The following GNA12 variants were observed in gnomAD, a reference collection of about 807,000 sequenced individuals.
GNA12 encodes guanine nucleotide-binding protein subunit alpha-12.
GNA12 carries 9 observed loss-of-function variants against 26.0 expected under a neutral mutation model. That is an observed-to-expected ratio of 0.35 (90% CI 0.21 to 0.60). The LOEUF (loss-of-function observed/expected upper bound fraction) is 0.60, where lower values mean the gene tolerates loss of function less well. Among genes scored for constraint, GNA12 ranks in the 20% least tolerant of loss-of-function variants. GNA12 has a pLI of 0.78. For missense variants in GNA12, 405 were observed against 525.8 expected (o/e 0.77, Z 2.25); for synonymous variants, 264 against 219.6 (o/e 1.20, Z -1.79).
intron 2 of GNA12, among the ~76,000 whole-genome samples, chr7:2,787,016 C>T (rs761431706): frequency 8.5e-5 from 13 of 152,158 alleles, no homozygotes; most frequent in Admixed American, 1.3e-4. Flanking sequence ...CCTCCAGGGG[C>T]AGGGTCCAAA....
intron 2 of GNA12, among the ~76,000 whole-genome samples, chr7:2,793,302 C>T (rs1327965616): frequency 1.4e-5 from 2 of 144,582 alleles, no homozygotes; most frequent in African/African-American, 2.7e-5. Context: ...AAGCAGCGGA[C>T]AGGACGCGAG....
chr7:2,774,238 C>A (rs1288302019), intron 2 of GNA12, among the ~76,000 whole-genome samples: 8 of 152,022 alleles, frequency 5.3e-5, no homozygotes, highest in Non-Finnish European at 1.2e-4. Flanking sequence ...TATTTCTATA[C>A]ATGTATATGC....
In GNA12 at chr7:2,828,101, G is replaced by A. The variant is rs566361597; in HGVS notation, c.309+15752C>T. ...AAAAAGAAAATGCCGAAGATGTTGT[G>A]GTCTCCTTGGCAGATATTTACACAT... On this transcript the variant is annotated intron_variant, in intron 1 of 3. Transcript: ENST00000275364. 9.2e-5 allele frequency among the ~76,000 whole-genome samples: 14 copies of A among 152,212 alleles called. No homozygotes were observed. In the South Asian group the frequency reaches 2.3e-3, roughly 25 times the overall value.
intron 2 of GNA12, among the ~76,000 whole-genome samples, chr7:2,770,275 G>GCAAAA (rs1373017956): frequency 6.6e-6 from 1 of 152,112 alleles, no homozygotes. Context: ...GTTTAATAGG[G>GCAAAA]TCTTGTTTTA....
intron 2 of GNA12, among the ~76,000 whole-genome samples, chr7:2,749,608 A>G (rs936513952): frequency 1.3e-5 from 2 of 152,148 alleles, no homozygotes; most frequent in Admixed American, 6.5e-5. Flanking sequence ...ACATGTATAC[A>G]TATGTAACAA....
chr7:2,780,051 C>CATACATATATATATAT (rs1554259630), intron 2 of GNA12, among the ~76,000 whole-genome samples: 1 of 62,204 alleles, frequency 1.6e-5, no homozygotes, highest in African/African-American at 5.7e-5. Flanking sequence ...TTTCTGTGTA[C>CATACATATATATATAT]ATATATATAT....
At chr7:2,758,536 T>C (rs1791408043) in intron 2 of GNA12, among the ~76,000 whole-genome samples, 1 of 152,114 alleles carries the variant, frequency 6.6e-6, no homozygotes, top group Non-Finnish European at 1.5e-5. Context: ...ACGTATCTCC[T>C]GTGATTGGGC....
Position 2,756,474 on chromosome 7 carries a change from G to T in GNA12, c.526-22973C>A, listed in dbSNP as rs61270940. 4.0e-3 allele frequency among the ~76,000 whole-genome samples: 613 copies of T among 152,230 alleles called. 26 individuals carry two copies. In the East Asian group the frequency reaches 0.1, roughly 26 times the overall value. ...CAAAAAATTTTTAAAAATTAGTCAG[G>T]TGTGGTGGCACACGCCTATAGTCCC... On this transcript the variant is annotated intron_variant, in intron 2 of 3. Transcript: ENST00000275364.
rs541957872 is a variant in GNA12, at chr7:2,745,797, T to C, written c.526-12296A>G. Among the ~76,000 whole-genome samples, 28 of 152,204 alleles carry C rather than the reference T, an allele frequency of 1.8e-4. 1 individual carries two copies. Among genetic ancestry groups the C allele is most frequent in the South Asian group, 4.1e-4 (2 of 4,822 alleles). On this transcript the variant is annotated intron_variant, in intron 2 of 3. Transcript: ENST00000275364. ...CCCATCTCACGTGCAGAGACACACA[T>C]AGGCTCAAAATAAAGGGATGCAGGA... is the stretch of plus-strand genomic sequence containing the variant.
chr7:2,738,448 C>G (rs1413047907), intron 2 of GNA12, among the ~76,000 whole-genome samples: 1 of 152,176 alleles, frequency 6.6e-6, no homozygotes, highest in Non-Finnish European at 1.5e-5. Context: ...AGCTCCGTGG[C>G]TGGAAGGAGG....
chr7:2,793,442 T>C (rs1583286965), intron 2 of GNA12, among the ~76,000 whole-genome samples: 1 of 152,160 alleles, frequency 6.6e-6, no homozygotes, highest in Non-Finnish European at 1.5e-5. Context: ...GTTTTAATAG[T>C]TGTATAGTGG....
chr7:2,781,568 G>A (rs1372822664), intron 2 of GNA12, among the ~76,000 whole-genome samples: 1 of 152,126 alleles, frequency 6.6e-6, no homozygotes, highest in East Asian at 1.9e-4. Context: ...GATAATTAGA[G>A]AAAGGGCTAG....
intron 2 of GNA12, among the ~76,000 whole-genome samples, chr7:2,761,724 A>G (rs1791564467): frequency 6.6e-6 from 1 of 152,204 alleles, no homozygotes; most frequent in Non-Finnish European, 1.5e-5. Flanking sequence ...TTAAAAAACA[A>G]TGAAGAGTTG....
chr7:2,762,525 A>C, intron 2 of GNA12: 1 of 1,099,416 alleles, frequency 9.1e-7, no homozygotes, highest in Non-Finnish European at 1.3e-6. Context: ...CTACAAAAGC[A>C]GTTCCACCAC....
rs560384707 is a variant in GNA12, at chr7:2,774,554, G to C, written c.525+20374C>G. 4.6e-5 allele frequency among the ~76,000 whole-genome samples: 7 copies of C among 152,262 alleles called. No individual in the cohort carries two copies. In the East Asian group the frequency reaches 1.4e-3, roughly 29 times the overall value. On this transcript the variant is annotated intron_variant, in intron 2 of 3. Transcript: ENST00000275364. Reference sequence around the variant, plus strand: ...GCCTGCAGCAGTGACAGAGAGGAGGGGAGCAGGAGATGGGCTTGCCGAGGC... The same window carrying C: ...GCCTGCAGCAGTGACAGAGAGGAGGCGAGCAGGAGATGGGCTTGCCGAGGC...
At chr7:2,830,378 T>C (rs1468805464) in intron 1 of GNA12, among the ~76,000 whole-genome samples, 3 of 152,210 alleles carry the variant, frequency 2.0e-5, no homozygotes, top group East Asian at 3.8e-4. Flanking sequence ...GCCTTCTGAC[T>C]AAAGAGTCTG....
At chr7:2,814,466 G>C in intron 1 of GNA12, 1 of 868,440 alleles carries the variant, frequency 1.2e-6, no homozygotes, top group Non-Finnish European at 2.0e-6. Flanking sequence ...CCCTGCTCAA[G>C]CTTCTCCAAG....
intron 1 of GNA12, among the ~76,000 whole-genome samples, chr7:2,839,685 T>C (rs754118286): frequency 6.6e-6 from 1 of 152,104 alleles, no homozygotes; most frequent in Non-Finnish European, 1.5e-5. Context: ...CACCTGGCCA[T>C]GACATGTATG....
At position 2,731,268 on chromosome 7, in the gene GNA12, G is replaced by A. The variant is rs747027531; in HGVS notation, c.1059C>T (p.Ala353=). ...SKPLFHHFTT[A]IDTENVRFVF... Reference sequence around the variant, plus strand: ...CGAAGCGGACGTTCTCGGTGTCGATGGCGGTGGTGAAGTGGTGGAAGAGTG... The same window carrying A: ...CGAAGCGGACGTTCTCGGTGTCGATAGCGGTGGTGAAGTGGTGGAAGAGTG... The change falls in exon 4 of 4, where the codon GCC becomes GCT. Residue 353 remains alanine (A), a synonymous_variant. Coordinates refer to ENST00000275364, the MANE Select transcript of GNA12 (RefSeq NM_007353.3). The surrounding 1 kb of genome is among the most constrained non-coding windows in gnomAD (Gnocchi z 6.0). 3 of 1,606,888 alleles carry A rather than the reference G, an allele frequency of 1.9e-6. No homozygotes were observed. The highest frequency in any genetic ancestry group is 1.1e-5 in the South Asian group (1 of 90,388).
Sources: allele counts gnomAD v4.1 joint callset (sites outside exome capture counted in the v4.1 genomes callset), GRCh38; gene constraint gnomAD v4.1.1; non-coding constraint Gnocchi (gnomAD v3.1); transcripts MANE v1.5; gene names NCBI Gene and HGNC (gene_info 2026-07-23, HGNC 2026-07-21).